SERAC1: variants seen among roughly 807,000 people sequenced by gnomAD.
SERAC1 encodes protein SERAC1.
SERAC1 carries 36 observed loss-of-function variants against 85.7 expected under a neutral mutation model. The observed-to-expected ratio is 0.42, with a 90% confidence interval of 0.32 to 0.55. SERAC1 has a LOEUF of 0.55. Ranked by LOEUF, SERAC1 falls within the 20% of genes least tolerant of loss-of-function variation. The probability of loss-of-function intolerance (pLI) is 0.11; values close to 1 mark genes in which losing one functional copy is unlikely to be tolerated. For synonymous variants in SERAC1, 242 were observed against 265.3 expected (o/e 0.91, Z 0.85); for missense variants, 629 against 796.2 (o/e 0.79, Z 2.53).
intron 10 of SERAC1, among the ~76,000 whole-genome samples, chr6:158,121,871 T>C (rs552851443): frequency 3.3e-5 from 5 of 151,948 alleles, no homozygotes; most frequent in Non-Finnish European, 5.9e-5. Context: ...ATGTTCACAA[T>C]GTCCGAGATA....
rs893026652 is a variant in SERAC1 at position 158,119,059 on chromosome 6, A to C, written c.1278T>G (p.Asp426Glu). The C allele has an allele frequency of 6.2e-7, 1 of 1,613,664 alleles. No homozygotes were observed. The highest frequency in any genetic ancestry group is 1.7e-5 in the Admixed American group (1 of 59,964). The change falls in exon 12 of 17, where the codon GAT becomes GAG. Residue 426 changes from aspartate to glutamate, a missense_variant. Physicochemically the swap from Asp to Glu is conservative, Grantham distance 45. Transcript: ENST00000647468. This position sits in a 1 kb window ranked among gnomAD's most constrained non-coding sequence, Gnocchi z 4.5. ...EQAVIEKPMEDEDRYTTCWPK... is the reference protein window; with the variant it reads ...EQAVIEKPMEEEDRYTTCWPK... Reference sequence around the variant, plus strand: ...GCCAGCACGTCGTATATCTGTCTTCATCCTCCATAGGTTTTTCAATTACAG... The same window carrying C: ...GCCAGCACGTCGTATATCTGTCTTCCTCCTCCATAGGTTTTTCAATTACAG...
chr6:158,134,345 A>G (rs2128417130), intron 8 of SERAC1, among the ~76,000 whole-genome samples: 1 of 152,342 alleles, frequency 6.6e-6, no homozygotes, highest in Middle Eastern at 3.4e-3. Flanking sequence ...ATTAGCCCTA[A>G]AAGGAACCAA....
At chr6:158,161,384 A>G (rs956523957) in intron 1 of SERAC1, 1 of 131,192 alleles carries the variant, frequency 7.6e-6, no homozygotes, top group East Asian at 2.0e-4. Context: ...TCTGTCTCAG[A>G]AAAAAAAAAA....
At chr6:158,152,886 C>T (rs926567598) in intron 3 of SERAC1, 2 of 152,102 alleles carry the variant, frequency 1.3e-5, no homozygotes, top group African/African-American at 4.8e-5. Context: ...GATTGCACAA[C>T]AATGAAATCA....
chr6:158,147,405 T>C (rs1785090009), intron 5 of SERAC1, among the ~76,000 whole-genome samples: 1 of 151,948 alleles, frequency 6.6e-6, no homozygotes, highest in South Asian at 2.1e-4. Flanking sequence ...TATGTGGTCA[T>C]TTTTAAAATC....
rs6909309 is a variant in SERAC1, at chr6:158,155,109, A to G, written c.128+206T>C. 9.6e-3 allele frequency among the ~76,000 whole-genome samples: 1,467 copies of G among 152,336 alleles called. 25 individuals carry two copies. Among genetic ancestry groups the G allele is most frequent in the African/African-American group, 0.033 (1,367 of 41,570 alleles). ...CTGGCAGGCAGAGTTCCTAGTACAC[A>G]TTTGGCTCCAAGAGAAAGCACTCCT... On this transcript the variant is annotated intron_variant, in intron 3 of 16. Transcript: ENST00000647468.
chr6:158,165,061 G>T (rs1476866639), intron 1 of SERAC1, among the ~76,000 whole-genome samples: 1 of 152,160 alleles, frequency 6.6e-6, no homozygotes, highest in Non-Finnish European at 1.5e-5. Flanking sequence ...ATAAAAGCAT[G>T]GCTGCCTACC....
intron 14 of SERAC1, among the ~76,000 whole-genome samples, chr6:158,115,598 G>C (rs545673020): frequency 6.6e-6 from 1 of 152,130 alleles, no homozygotes; most frequent in Non-Finnish European, 1.5e-5. Flanking sequence ...ACTAGGCCAC[G>C]GGCTGCAGAA....
At chr6:158,121,231 T>G (rs1180578948) in intron 10 of SERAC1, among the ~76,000 whole-genome samples, 1 of 152,152 alleles carries the variant, frequency 6.6e-6, no homozygotes, top group Non-Finnish European at 1.5e-5. Flanking sequence ...ACACTAAACT[T>G]ATAAAGTCGT....
At chr6:158,129,094 G>C (rs182005547) in intron 9 of SERAC1, among the ~76,000 whole-genome samples, 1 of 152,126 alleles carries the variant, frequency 6.6e-6, no homozygotes, top group Non-Finnish European at 1.5e-5. Flanking sequence ...TATCAAGTGA[G>C]ATCTGCAATA....
chr6:158,114,581 C>T (rs1443882487), intron 15 of SERAC1: 4 of 1,215,062 alleles, frequency 3.3e-6, no homozygotes, highest in Non-Finnish European at 4.1e-6. Context: ...AAAATTATTA[C>T]AATGCTTGAG....
In SERAC1 at chr6:158,146,788, A is replaced by T. The variant is rs1246963925; in HGVS notation, c.481T>A (p.Trp161Arg). The T allele has an allele frequency of 6.2e-7, 1 of 1,613,622 alleles. No homozygotes were observed. ...GTTCAGGTAGTCTCATTACCATGCC[A>T]GTGATGGGTCTCCGACATTTCCCGC... ...AVREMSETHH[W>R]HDYQYRIIAQ... Residue 161 changes from tryptophan to arginine, a missense_variant, in exon 6 of 17, where the codon TGG becomes AGG. Trp to Arg is a moderately radical substitution (Grantham distance 101, BLOSUM62 -3). Coordinates refer to ENST00000647468, the MANE Select transcript of SERAC1 (RefSeq NM_032861.4).
chr6:158,162,392 C>T (rs1785507879), intron 1 of SERAC1, among the ~76,000 whole-genome samples: 1 of 152,168 alleles, frequency 6.6e-6, no homozygotes, highest in Non-Finnish European at 1.5e-5. Flanking sequence ...TTCCATCTGG[C>T]AGTTTTAAGA....
chr6:158,166,531 A>C (rs1380106685), intron 1 of SERAC1, among the ~76,000 whole-genome samples: 1 of 152,178 alleles, frequency 6.6e-6, no homozygotes, highest in Non-Finnish European at 1.5e-5. Flanking sequence ...AAATTCCATA[A>C]AACAATATGG....
intron 4 of SERAC1, 38 bp from the exon 5 acceptor site, chr6:158,148,992 A>ATTTT: frequency 1.6e-6 from 2 of 1,273,624 alleles, no homozygotes; most frequent in Non-Finnish European, 2.2e-6. Context: ...CCAAGAATGT[A>ATTTT]TTTTTTTTTT....
intron 5 of SERAC1, among the ~76,000 whole-genome samples, chr6:158,147,471 T>C (rs1785092124): frequency 6.6e-6 from 1 of 151,606 alleles, no homozygotes; most frequent in African/African-American, 2.4e-5. Context: ...AATTAATAAG[T>C]TAACATAGGC....
intron 4 of SERAC1, among the ~76,000 whole-genome samples, chr6:158,150,217 C>T (rs575084698): frequency 6.6e-6 from 1 of 152,310 alleles, no homozygotes; most frequent in East Asian, 1.9e-4. Flanking sequence ...CAGGTTCAGA[C>T]TAAAAATGCC....
intron 8 of SERAC1, among the ~76,000 whole-genome samples, chr6:158,137,534 T>C (rs1784821768): frequency 6.6e-6 from 1 of 152,144 alleles, no homozygotes; most frequent in Non-Finnish European, 1.5e-5. Context: ...GTGTGATCTA[T>C]GGCTCCTAAA....
chr6:158,165,849 T>C (rs1401383912), intron 1 of SERAC1, among the ~76,000 whole-genome samples: 1 of 152,188 alleles, frequency 6.6e-6, no homozygotes, highest in Non-Finnish European at 1.5e-5. Flanking sequence ...TCTTGTCTAG[T>C]TCAAGCCAAC....
Sources: allele counts gnomAD v4.1 joint callset (sites outside exome capture counted in the v4.1 genomes callset), GRCh38; gene constraint gnomAD v4.1.1; non-coding constraint Gnocchi (gnomAD v3.1); transcripts MANE v1.5; gene names NCBI Gene and HGNC (gene_info 2026-07-23, HGNC 2026-07-21).